PTTG1IP2: variants seen among roughly 807,000 people sequenced by gnomAD.
The protein encoded by PTTG1IP2 is PTTG1IP family member 2.
chr7:90,488,090 C>G (rs1473633125), intron 3 of PTTG1IP2, among the ~76,000 whole-genome samples: 2 of 152,050 alleles, frequency 1.3e-5, no homozygotes, highest in Non-Finnish European at 1.5e-5. Flanking sequence ...CGTACCAGTA[C>G]CATTTAAGAA....
At chr7:90,497,189 T>C (rs964648809) in intron 6 of PTTG1IP2, among the ~76,000 whole-genome samples, 1 of 152,118 alleles carries the variant, frequency 6.6e-6, no homozygotes, top group African/African-American at 2.4e-5. Flanking sequence ...CCCAACACTT[T>C]GGGAGGTCAA....
chr7:90,488,736 AT>A (rs1748900527), intron 3 of PTTG1IP2, 134 bp from the exon 4 acceptor site: 1 of 152,032 alleles, frequency 6.6e-6, no homozygotes, highest in Admixed American at 6.5e-5. Flanking sequence ...GGAATATGTA[AT>A]GTATGTTATT....
chr7:90,497,685 C>G (rs1798010722), intron 6 of PTTG1IP2, among the ~76,000 whole-genome samples: 1 of 125,526 alleles, frequency 8.0e-6, no homozygotes, highest in African/African-American at 3.0e-5. Context: ...CCACTGTACT[C>G]CAGCCTGAGC....
intron 1 of PTTG1IP2, among the ~76,000 whole-genome samples, chr7:90,474,114 T>C (rs141379381): frequency 1.3e-5 from 2 of 152,344 alleles, no homozygotes; most frequent in East Asian, 3.9e-4. Context: ...ATTATACACC[T>C]AGGCTAGATT....
chr7:90,498,194 T>A (rs1798019489), intron 6 of PTTG1IP2, among the ~76,000 whole-genome samples: 2 of 152,064 alleles, frequency 1.3e-5, no homozygotes, highest in Non-Finnish European at 2.9e-5. Context: ...CCTGGCTAAT[T>A]TTTTGTATTT....
At chr7:90,486,798 A>G (rs983469888) in intron 2 of PTTG1IP2, among the ~76,000 whole-genome samples, 1 of 152,144 alleles carries the variant, frequency 6.6e-6, no homozygotes, top group South Asian at 2.1e-4. Context: ...TGTTTCCTAA[A>G]CCTAGAGTCT....
At chr7:90,481,002 A>G (rs965842362) in intron 2 of PTTG1IP2, among the ~76,000 whole-genome samples, 20 of 152,324 alleles carry the variant, frequency 1.3e-4, no homozygotes, top group Middle Eastern at 3.4e-3. Flanking sequence ...ATAATTAGAT[A>G]TAAAGGCTTT....
chr7:90,489,831 C>G (rs1449368727), intron 4 of PTTG1IP2, among the ~76,000 whole-genome samples: 1 of 151,908 alleles, frequency 6.6e-6, no homozygotes, highest in Non-Finnish European at 1.5e-5. Flanking sequence ...ATTCTCTTTT[C>G]TTACTCTTTA....
At chr7:90,479,820 T>C (rs1797795037) in intron 2 of PTTG1IP2, among the ~76,000 whole-genome samples, 2 of 152,240 alleles carry the variant, frequency 1.3e-5, no homozygotes, top group Admixed American at 1.3e-4. Context: ...TAAAAACCAC[T>C]GTAGTCTAAC....
chr7:90,469,737 C>G lies in PTTG1IP2; in HGVS notation c.-50C>G, dbSNP rs1180540500. 1 of 152,710 alleles carries G rather than the reference C, an allele frequency of 6.5e-6. No homozygotes were observed. The highest frequency in any genetic ancestry group is 1.9e-4 in the East Asian group (1 of 5,196). The allele number at this position is 152,710 out of a possible 1,614,324, so 9.5% of individuals were successfully genotyped here. A position where few individuals can be genotyped will look rare whatever the true frequency, so the allele number is the denominator to read the frequency against. On this transcript the variant is annotated 5_prime_UTR_variant, in exon 1 of 7. Coordinates refer to ENST00000509356, the MANE Select transcript of PTTG1IP2 (RefSeq NM_001365443.2). ...CGGGTCTCAGTGTCCAACACTGTAG[C>G]TGGTGCCTGCCAGGTTCCCAGTGGC...
intron 1 of PTTG1IP2, among the ~76,000 whole-genome samples, chr7:90,474,252 AT>A (rs1439248441): frequency 6.6e-6 from 1 of 152,250 alleles, no homozygotes; most frequent in Non-Finnish European, 1.5e-5. Context: ...AATAGTAAAA[AT>A]ATACAGTATT....
At chr7:90,487,479 G>C (rs948867295) in intron 3 of PTTG1IP2, 59 bp downstream of exon 3, 1 of 152,498 alleles carries the variant, frequency 6.6e-6, no homozygotes, top group Non-Finnish European at 1.5e-5. Context: ...GCAAATGCTA[G>C]TGATTTGCTA....
chr7:90,488,514 G>A (rs1416112383), intron 3 of PTTG1IP2, among the ~76,000 whole-genome samples: 1 of 151,988 alleles, frequency 6.6e-6, no homozygotes, highest in African/African-American at 2.4e-5. Flanking sequence ...CTGCTATCTA[G>A]ATGTATCTTT....
intron 6 of PTTG1IP2, among the ~76,000 whole-genome samples, chr7:90,501,338 A>T (rs1798058858): frequency 6.6e-6 from 1 of 152,240 alleles, no homozygotes; most frequent in South Asian, 2.1e-4. Context: ...TTAAGTGTAC[A>T]ATAGTATTAT....
chr7:90,498,554 A>G (rs1302496464), intron 6 of PTTG1IP2, among the ~76,000 whole-genome samples: 1 of 152,198 alleles, frequency 6.6e-6, no homozygotes, highest in African/African-American at 2.4e-5. Context: ...TTTAAGTCCA[A>G]AACTATAAAA....
chr7:90,482,513 C>T (rs537341297), intron 2 of PTTG1IP2, among the ~76,000 whole-genome samples: 1 of 151,120 alleles, frequency 6.6e-6, no homozygotes, highest in South Asian at 2.1e-4. Flanking sequence ...CAACCCCCCC[C>T]CCACACAACT....
At chr7:90,491,138 A>C (rs554584187) in intron 4 of PTTG1IP2, among the ~76,000 whole-genome samples, 14 of 152,322 alleles carry the variant, frequency 9.2e-5, no homozygotes, top group South Asian at 6.2e-4. Context: ...ATTTGATCTA[A>C]TATTATTGTT....
intron 6 of PTTG1IP2, among the ~76,000 whole-genome samples, chr7:90,510,451 A>G (rs1798175192): frequency 6.6e-6 from 1 of 152,216 alleles, no homozygotes; most frequent in African/African-American, 2.4e-5. Flanking sequence ...AATAAGGGAG[A>G]ATCATGTACA....
chr7:90,490,495 A>G (rs952553946), intron 4 of PTTG1IP2, among the ~76,000 whole-genome samples: 1 of 151,354 alleles, frequency 6.6e-6, no homozygotes, highest in Non-Finnish European at 1.5e-5. Context: ...TAGGACCTCA[A>G]CTTGGTCAGG....
Sources: allele counts gnomAD v4.1 joint callset (sites outside exome capture counted in the v4.1 genomes callset), GRCh38; gene constraint gnomAD v4.1.1; transcripts MANE v1.5; gene names NCBI Gene and HGNC (gene_info 2026-07-23, HGNC 2026-07-21).